SERPINA1: variants seen among roughly 807,000 people sequenced by gnomAD.
The protein encoded by SERPINA1 is serpin family A member 1.
SERPINA1 carries 21 observed loss-of-function variants against 25.4 expected under a neutral mutation model. That is an observed-to-expected ratio of 0.83 (90% CI 0.59 to 1.19). The LOEUF is 1.19. SERPINA1 is among the 50% of genes most tolerant of loss of function. The probability of loss-of-function intolerance (pLI) is 0.00; values close to 1 mark genes in which losing one functional copy is unlikely to be tolerated. For synonymous variants in SERPINA1, 218 were observed against 211.1 expected (o/e 1.03, Z -0.29); for missense variants, 546 against 509.0 (o/e 1.07, Z -0.70).
At chr14:94,387,644 C>T (rs1233615346) in intron 1 of SERPINA1, among the ~76,000 whole-genome samples, 2 of 152,132 alleles carry the variant, frequency 1.3e-5, no homozygotes, top group African/African-American at 4.8e-5. Context: ...TTTCCTGTTC[C>T]CCATCCAGCG....
At chr14:94,379,678 A>G in intron 3 of SERPINA1, 67 bp from the exon 4 acceptor site, 3 of 1,607,552 alleles carry the variant, frequency 1.9e-6, no homozygotes, top group South Asian at 2.2e-5. Context: ...GACCCACCAC[A>G]GTGCAAGTGT....
At chr14:94,379,331 A>G in intron 4 of SERPINA1, 133 bp downstream of exon 4, 1 of 1,323,260 alleles carries the variant, frequency 7.6e-7, no homozygotes, top group Non-Finnish European at 1.1e-6. Flanking sequence ...AATCACGGGC[A>G]TCTTCAGGAG....
At position 94,378,469 on chromosome 14, in the gene SERPINA1, C is replaced by T. The variant is rs1396187932; in HGVS notation, c.1237G>A (p.Val413Met). ...TKSPLFMGKVVNPTQK is the reference protein window; with the variant it reads ...TKSPLFMGKVMNPTQK ...GGCAGTTATTTTTGGGTGGGATTCA[C>T]CACTTTTCCCATGAAGAGGGGAGAC... The change falls in exon 5 of 5, where the codon GTG becomes ATG. Residue 413 changes from valine to methionine, a missense_variant. Physicochemically the swap from Val to Met is conservative, Grantham distance 21. Coordinates refer to ENST00000393087, the MANE Select transcript of SERPINA1 (RefSeq NM_000295.5). 6.2e-7 allele frequency: 1 copy of T among 1,614,088 alleles called. No homozygotes were observed. Among genetic ancestry groups the T allele is most frequent in the South Asian group, 1.1e-5 (1 of 91,072 alleles).
chr14:94,378,846 G>A (rs1041650787), intron 4 of SERPINA1, among the ~76,000 whole-genome samples: 1 of 152,196 alleles, frequency 6.6e-6, no homozygotes, highest in African/African-American at 2.4e-5. Context: ...CCTGACAAGC[G>A]CCTCTCCCCC....
At chr14:94,386,536 TG>T (rs1167629370) in intron 1 of SERPINA1, among the ~76,000 whole-genome samples, 1 of 152,220 alleles carries the variant, frequency 6.6e-6, no homozygotes, top group Non-Finnish European at 1.5e-5. Context: ...GCTTCATAGC[TG>T]TACAATGGAG....
At position 94,377,159 on chromosome 14, in the gene SERPINA1, A is replaced by G. The variant is rs963573796; in HGVS notation, c.*1290T>C. The G allele has an allele frequency of 2.6e-5, 4 of 152,244 alleles. No homozygotes were observed. The highest frequency in any genetic ancestry group is 9.6e-5 in the African/African-American group (4 of 41,456). 9.4% of individuals were successfully genotyped at this position (152,244 alleles called of 1,614,324 possible). A position where few individuals can be genotyped will look rare whatever the true frequency, so the allele number is the denominator to read the frequency against. On this transcript the variant is annotated 3_prime_UTR_variant, in exon 5 of 5. Transcript: ENST00000393087. The stretch of plus-strand genomic sequence containing the variant: ...TATGACTCAACCTCATCCTTTAAGT[A>G]CACATTCATGACAGTGAGTGGTTAG...
In SERPINA1 at chr14:94,380,856, A is replaced by T; in HGVS notation, c.917+15T>A. The T allele has an allele frequency of 6.2e-7, 1 of 1,614,214 alleles. No individual in the cohort carries two copies. On this transcript the variant is annotated intron_variant, in intron 3 of 4. Coordinates refer to ENST00000393087, the MANE Select transcript of SERPINA1 (RefSeq NM_000295.5). ...TGTGGGCAGCTTCTTGGTCACCCTC[A>T]GGTTGGGGAATCACCTTCTGTCTTC...
intron 2 of SERPINA1, among the ~76,000 whole-genome samples, chr14:94,382,107 T>C (rs956828930): frequency 6.6e-6 from 1 of 152,236 alleles, no homozygotes; most frequent in Middle Eastern, 3.2e-3. Context: ...TGGTATTTTG[T>C]CCATGCTAAG....
At chr14:94,387,413 A>G (rs769694801) in intron 1 of SERPINA1, among the ~76,000 whole-genome samples, 2 of 152,228 alleles carry the variant, frequency 1.3e-5, no homozygotes, top group African/African-American at 2.4e-5. Context: ...GAGGCGTTCT[A>G]TAGGAAACTG....
upstream of SERPINA1, chr14:94,390,049 G>GCC (rs3064925): frequency 0.65 from 99,387 of 152,058 alleles, 33,790 homozygotes; most frequent in African/African-American, 0.85. Flanking sequence ...CGTGTCAGGG[G>GCC]CTGGTGTCAC....
At chr14:94,378,974 A>G (rs961196490) in intron 4 of SERPINA1, 5 of 550,574 alleles carry the variant, frequency 9.1e-6, no homozygotes, top group South Asian at 4.3e-5. Context: ...GGACCCTGGC[A>G]GTGACCTTCA....
At chr14:94,386,637 G>A (rs1257133194) in intron 1 of SERPINA1, among the ~76,000 whole-genome samples, 6 of 152,222 alleles carry the variant, frequency 3.9e-5, no homozygotes, top group Non-Finnish European at 8.8e-5. Context: ...CCTGCACACA[G>A]GTTGAGCTCC....
intron 4 of SERPINA1, among the ~76,000 whole-genome samples, 191 bp from the exon 5 acceptor site, chr14:94,378,831 A>G (rs756618687): frequency 2.5e-5 from 3 of 120,886 alleles, no homozygotes. Flanking sequence ...CCCTCTGTCC[A>G]TCTTCCTGAC....
At chr14:94,380,474 G>T (rs1032618778) in intron 3 of SERPINA1, among the ~76,000 whole-genome samples, 2 of 152,186 alleles carry the variant, frequency 1.3e-5, no homozygotes, top group African/African-American at 4.8e-5. Flanking sequence ...GTCCCCCCAG[G>T]GACATTCTAC....
intron 1 of SERPINA1, among the ~76,000 whole-genome samples, chr14:94,384,778 A>G (rs559840755): frequency 2.6e-5 from 4 of 152,336 alleles, no homozygotes; most frequent in Non-Finnish European, 4.4e-5. Context: ...AAAACTGGAG[A>G]AAAAAAGCTG....
intron 4 of SERPINA1, 65 bp downstream of exon 4, chr14:94,379,399 T>C (rs759725123): frequency 1.1e-5 from 18 of 1,603,754 alleles, no homozygotes; most frequent in Non-Finnish European, 1.5e-5. Flanking sequence ...AGGACAGAGC[T>C]GCAGCCCCCA....
chr14:94,380,443 T>A (rs1482727424), intron 3 of SERPINA1, among the ~76,000 whole-genome samples: 1 of 152,200 alleles, frequency 6.6e-6, no homozygotes, highest in Non-Finnish European at 1.5e-5. Context: ...TTCTGGGCCT[T>A]GCCACACAGG....
intron 1 of SERPINA1, 65 bp from the exon 2 acceptor site, chr14:94,383,306 G>A (rs1315868508): frequency 8.4e-6 from 13 of 1,546,718 alleles, no homozygotes; most frequent in Non-Finnish European, 1.1e-5. Flanking sequence ...CAGTGATCAG[G>A]GATTGACACC....
At position 94,378,169 on chromosome 14, in the gene SERPINA1, C is replaced by T; in HGVS notation, c.*280G>A. 1 of 521,088 alleles carries T rather than the reference C, an allele frequency of 1.9e-6. No individual in the cohort carries two copies. Among genetic ancestry groups the T allele is most frequent in the Non-Finnish European group, 3.4e-6 (1 of 289,924 alleles). The allele number at this position is 521,088 out of a possible 1,614,324, so 32.3% of individuals were successfully genotyped here. Reference sequence around the variant, plus strand: ...AAGGAAGACTGGAGCCCTCCAGAAACAGATGGGCCCAGGTCCGTAAGCTGA... The same window carrying T: ...AAGGAAGACTGGAGCCCTCCAGAAATAGATGGGCCCAGGTCCGTAAGCTGA... On this transcript the variant is annotated 3_prime_UTR_variant, in exon 5 of 5. Coordinates refer to ENST00000393087, the MANE Select transcript of SERPINA1 (RefSeq NM_000295.5).
Sources: gnomAD v4.1 joint callset for allele counts (sites outside exome capture counted in the v4.1 genomes callset) on GRCh38, gnomAD v4.1.1 for gene constraint, MANE v1.5 for transcripts, NCBI Gene and HGNC (gene_info 2026-07-23, HGNC 2026-07-21) for gene names.